Variants in RAD51B observed in about 807,000 individuals in gnomAD.
RAD51B encodes the protein RAD51 paralog B.
In RAD51B, 38 loss-of-function variants were observed where a neutral mutation model predicts 42.2. That is an observed-to-expected ratio of 0.90 (90% confidence interval 0.70 to 1.18). The LOEUF (loss-of-function observed/expected upper bound fraction) is 1.18. RAD51B is among the 50% of genes most tolerant of loss of function. The pLI is 0.00. For synonymous variants in RAD51B, 154 were observed against 145.2 expected, an observed-to-expected ratio of 1.06 and a Z score of -0.43; for missense variants, 373 against 400.7, an observed-to-expected ratio of 0.93 and a Z score of 0.59.
intron 7 of RAD51B, among the ~76,000 whole-genome samples, chr14:68,108,236 A>AG (rs890124186): frequency 1.3e-5 from 2 of 151,970 alleles, no homozygotes; most frequent in Non-Finnish European, 2.9e-5. Context: ...TTAAACATAG[A>AG]GTTACCATAG....
chr14:68,296,127 A>C (rs2081609208), intron 8 of RAD51B, among the ~76,000 whole-genome samples: 1 of 151,792 alleles, frequency 6.6e-6, no homozygotes, highest in Admixed American at 6.6e-5. Flanking sequence ...CATTTTTCCC[A>C]CTCTGTAAAT....
intron 7 of RAD51B, among the ~76,000 whole-genome samples, chr14:68,271,371 A>C (rs2081100760): frequency 6.6e-6 from 1 of 152,232 alleles, no homozygotes; most frequent in South Asian, 2.1e-4. Flanking sequence ...CTTTGGAGTA[A>C]AACAAGCCTG....
chr14:68,457,545 A>G (rs1427603904), intron 9 of RAD51B, among the ~76,000 whole-genome samples: 1 of 152,144 alleles, frequency 6.6e-6, no homozygotes, highest in Non-Finnish European at 1.5e-5. Flanking sequence ...ATACTACCAT[A>G]TATTTGTAGT....
rs543404604 is a variant in RAD51B at position 68,334,926 on chromosome 14, TACAC to T, written c.853+42952_853+42955del. Among the ~76,000 whole-genome samples, 11 of 144,418 alleles carry T rather than the reference TACAC, an allele frequency of 7.6e-5. No individual in the cohort carries two copies. The South Asian group carries it at 2.4e-3, about 32-fold the overall frequency. 94.7% of individuals were successfully genotyped at this position (144,418 alleles called of 152,430 possible). On this transcript the variant is annotated intron_variant, in intron 8 of 10. Transcript: ENST00000471583. ...GGATAGATATATTTTATGATATATA[TACAC>T]ACACATATATAAGTATTATATATGT... is the stretch of plus-strand genomic sequence containing the variant.
intron 8 of RAD51B, among the ~76,000 whole-genome samples, chr14:68,301,594 T>G (rs1169194571): frequency 4.6e-4 from 14 of 30,440 alleles, no homozygotes; most frequent in Admixed American, 1.4e-3. Context: ...GTTTGTGTGT[T>G]TTTTTTTTTT....
chr14:67,985,972 T>C (rs2075183335), intron 7 of RAD51B, among the ~76,000 whole-genome samples: 1 of 152,034 alleles, frequency 6.6e-6, no homozygotes, highest in Non-Finnish European at 1.5e-5. Flanking sequence ...GTATAATGGC[T>C]CATTTGGGTT....
intron 10 of RAD51B, among the ~76,000 whole-genome samples, chr14:68,484,110 A>G (rs991381629): frequency 1.3e-5 from 2 of 152,218 alleles, no homozygotes; most frequent in African/African-American, 2.4e-5. Flanking sequence ...GGTCTCAAAC[A>G]TAGACTTCGC....
intron 10 of RAD51B, among the ~76,000 whole-genome samples, chr14:68,510,866 G>A (rs920502278): frequency 2.0e-5 from 3 of 152,218 alleles, no homozygotes; most frequent in Non-Finnish European, 4.4e-5. Context: ...TGCATTTGTA[G>A]CTGCTACATA....
intron 8 of RAD51B, chr14:68,339,235 C>T: frequency 1.7e-6 from 2 of 1,147,720 alleles, no homozygotes; most frequent in Non-Finnish European, 1.3e-6. Flanking sequence ...TACTTGTGGG[C>T]CAGCTTAAGC....
At chr14:68,327,346 A>G (rs1266971088) in intron 8 of RAD51B, among the ~76,000 whole-genome samples, 1 of 150,922 alleles carries the variant, frequency 6.6e-6, no homozygotes, top group Non-Finnish European at 1.5e-5. Context: ...CACACAGAGA[A>G]TAAAAATGCT....
At chr14:68,552,182 C>T (rs1209567712) in intron 10 of RAD51B, among the ~76,000 whole-genome samples, 1 of 152,186 alleles carries the variant, frequency 6.6e-6, no homozygotes, top group African/African-American at 2.4e-5. Context: ...AAACCGCTGT[C>T]CCCACTTCAC....
At chr14:68,675,176 C>T (rs1893278305) in intron 11 of RAD51B, among the ~76,000 whole-genome samples, 1 of 152,184 alleles carries the variant, frequency 6.6e-6, no homozygotes. Flanking sequence ...CCTCTCCTGC[C>T]TCCCTTTCTT....
rs529405821 is a variant in RAD51B at position 68,462,016 on chromosome 14, G to A, written c.958-6156G>A. On this transcript the variant is annotated intron_variant, in intron 9 of 10. Coordinates refer to ENST00000471583, the MANE Select transcript of RAD51B (RefSeq NM_133510.4). ...TAGGAGCCCTCAGCTGAAAAGCACC[G>A]TATTGGGCCCTAGAGAAGGGAACAG... is the stretch of plus-strand genomic sequence containing the variant. Among the ~76,000 whole-genome samples, 14 of 152,282 alleles carry A rather than the reference G, an allele frequency of 9.2e-5. No individual in the cohort carries two copies. In the South Asian group the frequency reaches 1.0e-3, roughly 11 times the overall value.
chr14:68,112,741 T>G (rs1003619129), intron 7 of RAD51B, among the ~76,000 whole-genome samples: 10 of 152,098 alleles, frequency 6.6e-5, no homozygotes, highest in Non-Finnish European at 1.3e-4. Flanking sequence ...GAAGATAGTC[T>G]TCTTTGGTCA....
At chr14:68,045,385 T>G (rs12434947) in intron 7 of RAD51B, among the ~76,000 whole-genome samples, 1 of 152,048 alleles carries the variant, frequency 6.6e-6, no homozygotes, top group African/African-American at 2.4e-5. Flanking sequence ...TCACACACAG[T>G]GCCTTTTACA....
intron 10 of RAD51B, among the ~76,000 whole-genome samples, chr14:68,487,140 G>C (rs1295578160): frequency 6.6e-6 from 1 of 152,144 alleles, no homozygotes; most frequent in African/African-American, 2.4e-5. Flanking sequence ...AAACTGCATG[G>C]CTTAAAGATC....
chr14:68,344,946 C>CAAAAAA (rs34579667), intron 8 of RAD51B, among the ~76,000 whole-genome samples: 4 of 113,268 alleles, frequency 3.5e-5, no homozygotes, highest in Non-Finnish European at 7.3e-5. Context: ...GACTCAATCT[C>CAAAAAA]AAAAAAAAAA....
At chr14:68,472,233 C>T (rs944634531) in intron 10 of RAD51B, 1 of 152,518 alleles carries the variant, frequency 6.6e-6, no homozygotes, top group African/African-American at 2.4e-5. Context: ...CCCACCTCTC[C>T]TCTGGTCATG....
chr14:68,611,606 G>A, downstream of RAD51B: 2 of 362,246 alleles, frequency 5.5e-6, no homozygotes, highest in Non-Finnish European at 1.0e-5. Flanking sequence ...ACAAATTAGT[G>A]TGTTTTGTAG....
Sources: gnomAD v4.1 joint callset for allele counts (sites outside exome capture counted in the v4.1 genomes callset) on GRCh38, gnomAD v4.1.1 for gene constraint, MANE v1.5 for transcripts, NCBI Gene and HGNC (gene_info 2026-07-23, HGNC 2026-07-21) for gene names.